Variants in IFT56 observed in about 807,000 individuals in gnomAD.
The protein encoded by IFT56 is intraflagellar transport 56.
At chr7:139,187,538 A>G in the IFT56 span, 7 of 1,614,126 alleles carry the variant, frequency 4.3e-6, no homozygotes, top group South Asian at 1.1e-5. Flanking sequence ...GAGAGAACCC[A>G]AGTAAGTAAA....
the IFT56 span, among the ~76,000 whole-genome samples, chr7:139,137,163 A>G: frequency 2.0e-5 from 3 of 152,234 alleles, no homozygotes; most frequent in Non-Finnish European, 4.4e-5. Context: ...TACCACGGAA[A>G]TTCAGAATTC....
chr7:139,186,427 A>G, the IFT56 span, among the ~76,000 whole-genome samples: 2 of 135,116 alleles, frequency 1.5e-5, no homozygotes, highest in Non-Finnish European at 3.3e-5. Context: ...TCCTATCTCT[A>G]AAAAAAAAAA....
chr7:139,187,532 G>A, the IFT56 span: 1 of 1,614,044 alleles, frequency 6.2e-7, no homozygotes, highest in South Asian at 1.1e-5. Context: ...AGCTGGGAGA[G>A]AACCCAAGTA....
chr7:139,140,766 A>C, the IFT56 span, among the ~76,000 whole-genome samples: 3 of 87,478 alleles, frequency 3.4e-5, no homozygotes, highest in Non-Finnish European at 6.5e-5. Context: ...CAAGAGTGAA[A>C]CTCCACCTCA....
At chr7:139,191,895 G>A in the IFT56 span, 113 of 152,054 alleles carry the variant, frequency 7.4e-4, no homozygotes, top group African/African-American at 2.7e-3. Flanking sequence ...CTTGCAAATG[G>A]GAAAAGTATT....
At chr7:139,139,808 T>A in the IFT56 span, 1 of 856,912 alleles carries the variant, frequency 1.2e-6, no homozygotes, top group Middle Eastern at 2.3e-4. Flanking sequence ...AATCTCAGTA[T>A]GAAATCCTAT....
At chr7:139,175,801 A>C in the IFT56 span, among the ~76,000 whole-genome samples, 1 of 151,926 alleles carries the variant, frequency 6.6e-6, no homozygotes, top group Admixed American at 6.6e-5. Flanking sequence ...ATTAGAATTA[A>C]TAAGATCTAG....
the IFT56 span, among the ~76,000 whole-genome samples, chr7:139,172,171 AC>A: frequency 6.6e-6 from 1 of 152,194 alleles, no homozygotes; most frequent in South Asian, 2.1e-4. Flanking sequence ...AAATAAAAAA[AC>A]AATGTGGTTC....
the IFT56 span, chr7:139,189,191 C>T: frequency 1.6e-6 from 1 of 610,584 alleles, no homozygotes; most frequent in South Asian, 2.4e-5. Flanking sequence ...TTTGTGAATA[C>T]ACAGTGAAAG....
the IFT56 span, chr7:139,139,887 C>G: frequency 6.2e-7 from 1 of 1,600,754 alleles, no homozygotes. Context: ...CTATATATTT[C>G]AGGAATACGA....
the IFT56 span, among the ~76,000 whole-genome samples, chr7:139,139,212 G>A: frequency 5.3e-5 from 8 of 152,298 alleles, no homozygotes; most frequent in East Asian, 5.8e-4. Flanking sequence ...ATGAGGAGGC[G>A]AGATGAAGAA....
the IFT56 span, among the ~76,000 whole-genome samples, chr7:139,166,253 C>T: frequency 3.1e-4 from 47 of 152,154 alleles, 1 homozygote; most frequent in African/African-American, 7.0e-4. Flanking sequence ...CCACCGTGCC[C>T]GGCCTCTCTT....
At chr7:139,190,046 T>C in the IFT56 span, 3 of 152,230 alleles carry the variant, frequency 2.0e-5, no homozygotes, top group Non-Finnish European at 4.4e-5. Context: ...CGCAGTAAGA[T>C]GAGTATTGCA....
At chr7:139,159,299 TC>T in the IFT56 span, among the ~76,000 whole-genome samples, 1 of 152,354 alleles carries the variant, frequency 6.6e-6, no homozygotes, top group East Asian at 1.9e-4. Flanking sequence ...TTCTATTTCT[TC>T]TTGTGTTATT....
the IFT56 span, among the ~76,000 whole-genome samples, chr7:139,152,786 T>G: frequency 6.6e-6 from 1 of 152,142 alleles, no homozygotes; most frequent in Non-Finnish European, 1.5e-5. Flanking sequence ...GTACAGTTGG[T>G]TTTTTAGTAT....
chr7:139,179,552 C>T, the IFT56 span: 15 of 1,608,542 alleles, frequency 9.3e-6, no homozygotes, highest in Non-Finnish European at 1.3e-5. Context: ...ATGTGTATTC[C>T]CTTTCTTTCC....
the IFT56 span, among the ~76,000 whole-genome samples, chr7:139,143,605 T>G: frequency 6.6e-6 from 1 of 152,086 alleles, no homozygotes; most frequent in African/African-American, 2.4e-5. Flanking sequence ...AAATGAGTTT[T>G]GTGGGTTTTA....
the IFT56 span, among the ~76,000 whole-genome samples, chr7:139,166,141 A>G: frequency 6.6e-6 from 1 of 152,148 alleles, no homozygotes; most frequent in African/African-American, 2.4e-5. Flanking sequence ...TATTTCTAAT[A>G]GAGACGGGGT....
chr7:139,167,307 C>T, the IFT56 span, among the ~76,000 whole-genome samples: 7 of 152,280 alleles, frequency 4.6e-5, no homozygotes, highest in African/African-American at 1.7e-4. Flanking sequence ...GTATCTCTAA[C>T]ACTATGTGCA....
Sources: allele counts gnomAD v4.1 joint callset (sites outside exome capture counted in the v4.1 genomes callset), GRCh38; gene constraint gnomAD v4.1.1; transcripts MANE v1.5; gene names NCBI Gene and HGNC (gene_info 2026-07-23, HGNC 2026-07-21).